UGT1A8: variants seen among roughly 807,000 people sequenced by gnomAD.
The protein encoded by UGT1A8 is UDP glucuronosyltransferase family 1 member A8, also known as UDP-glucuronosyltransferase 1A8.
In UGT1A8, 39 loss-of-function variants were observed where a neutral mutation model predicts 45.3. The observed-to-expected ratio is 0.86, with a 90% CI of 0.67 to 1.12. The LOEUF (loss-of-function observed/expected upper bound fraction) is 1.12. UGT1A8 is among the 50% of genes most tolerant of loss of function. The probability of loss-of-function intolerance (pLI) is 0.00; values close to 1 mark genes in which losing one functional copy is unlikely to be tolerated. For synonymous variants in UGT1A8, 275 were observed against 249.2 expected (o/e 1.10, Z -0.97); for missense variants, 719 against 664.9 (o/e 1.08, Z -0.90).
chr2:233,668,992 G>C (rs950924964), intron 1 of UGT1A8, among the ~76,000 whole-genome samples: 1 of 152,216 alleles, frequency 6.6e-6, no homozygotes, highest in African/African-American at 2.4e-5. Flanking sequence ...TTTGTCTGAT[G>C]TTTTGATTAT....
intron 1 of UGT1A8, chr2:233,671,871 C>T: frequency 6.6e-7 from 1 of 1,520,440 alleles, no homozygotes. Context: ...GCTGGTATTT[C>T]TCCCACCTAC....
Position 233,672,556 on chromosome 2 carries a change from C to T in UGT1A8, c.855+53994C>T, listed in dbSNP as rs111861762. The T allele has an allele frequency of 1.1e-4, 171 of 1,613,914 alleles. No individual in the cohort carries two copies. In the African/African-American group the frequency reaches 1.2e-3, roughly 11 times the overall value. On this transcript the variant is annotated intron_variant, in intron 1 of 4. Coordinates refer to ENST00000373450, the MANE Select transcript of UGT1A8 (RefSeq NM_019076.5). ...TGCCATGACTTTCAAGGAGAGAGTA[C>T]GGAACCACATCATGCACTTGGAGGA...
rs747443609 is a variant in UGT1A8 at position 233,768,266 on chromosome 2, T to C, written c.1122T>C (p.Gly374=). 6.8e-6 allele frequency: 11 copies of C among 1,614,024 alleles called. No individual in the cohort carries two copies. Among genetic ancestry groups the C allele is most frequent in the Non-Finnish European group, 9.3e-6 (11 of 1,180,038 alleles). ...TTATCACCCATGCTGGTTCCCATGG[T>C]GTTTATGAAAGCATATGCAATGGCG... is the stretch of plus-strand genomic sequence containing the variant. The part of the protein sequence containing the change: ...RAFITHAGSH[G]VYESICNGVP... The change falls in exon 4 of 5, where the codon GGT becomes GGC. Residue 374 remains glycine, a synonymous_variant. Coordinates refer to ENST00000373450, the MANE Select transcript of UGT1A8 (RefSeq NM_019076.5).
intron 1 of UGT1A8, among the ~76,000 whole-genome samples, chr2:233,633,251 G>C (rs1050113917): frequency 4.6e-5 from 7 of 152,166 alleles, no homozygotes; most frequent in Admixed American, 3.3e-4. Flanking sequence ...ATGTTCATCA[G>C]AGATATTGGC....
At chr2:233,630,092 T>G (rs1323548821) in intron 1 of UGT1A8, among the ~76,000 whole-genome samples, 2 of 152,142 alleles carry the variant, frequency 1.3e-5, no homozygotes, top group Non-Finnish European at 2.9e-5. Context: ...TCATTAATTT[T>G]CTCAACAAAC....
At chr2:233,653,168 A>C (rs1418452306) in intron 1 of UGT1A8, among the ~76,000 whole-genome samples, 1 of 152,242 alleles carries the variant, frequency 6.6e-6, no homozygotes, top group Non-Finnish European at 1.5e-5. Flanking sequence ...TACAAATGTA[A>C]TTCCAGAAAA....
chr2:233,754,899 C>A, intron 1 of UGT1A8: 2 of 1,352,028 alleles, frequency 1.5e-6, no homozygotes, highest in Non-Finnish European at 2.0e-6. Flanking sequence ...CCTCTGACCC[C>A]CCAAAATATT....
rs188026609 is a variant in UGT1A8 at position 233,667,892 on chromosome 2, T to G, written c.855+49330T>G. On this transcript the variant is annotated intron_variant, in intron 1 of 4. Coordinates refer to ENST00000373450, the MANE Select transcript of UGT1A8 (RefSeq NM_019076.5). The stretch of plus-strand genomic sequence containing the variant: ...AAAAGTCAGGAAACAACAGGTGCTG[T>G]AGAGGATGTGGAGAAATAGGAACAC... Among the ~76,000 whole-genome samples, 178 of 152,244 alleles carry G rather than the reference T, an allele frequency of 1.2e-3. 1 individual carries two copies. The highest frequency in any genetic ancestry group is 4.1e-3 in the African/African-American group (170 of 41,552).
At chr2:233,722,580 G>A (rs764999406) in intron 1 of UGT1A8, among the ~76,000 whole-genome samples, 2 of 152,194 alleles carry the variant, frequency 1.3e-5, no homozygotes, top group African/African-American at 2.4e-5. Context: ...TTGCAACTTC[G>A]TTAGAGGACT....
At chr2:233,657,228 C>A (rs1030310513) in intron 1 of UGT1A8, among the ~76,000 whole-genome samples, 43 of 152,218 alleles carry the variant, frequency 2.8e-4, no homozygotes, top group African/African-American at 9.9e-4. Flanking sequence ...TTATGCCACT[C>A]TTCATGCTCA....
chr2:233,652,003 A>G (rs1417255356), intron 1 of UGT1A8, among the ~76,000 whole-genome samples: 1 of 152,240 alleles, frequency 6.6e-6, no homozygotes, highest in Non-Finnish European at 1.5e-5. Context: ...AGAAAAAAAA[A>G]AGGAATCACT....
At chr2:233,629,901 C>G (rs17864677) in intron 1 of UGT1A8, among the ~76,000 whole-genome samples, 368 of 151,916 alleles carry the variant, frequency 2.4e-3, no homozygotes, top group Non-Finnish European at 4.6e-3. Flanking sequence ...AAGTTGTAGA[C>G]TTTTTTTTGG....
At chr2:233,725,001 G>A (rs1276972399) in intron 1 of UGT1A8, among the ~76,000 whole-genome samples, 4 of 134,004 alleles carry the variant, frequency 3.0e-5, no homozygotes, top group Non-Finnish European at 6.0e-5. Context: ...GCTGGAGACC[G>A]GCCCGGCCAA....
intron 1 of UGT1A8, among the ~76,000 whole-genome samples, chr2:233,688,255 A>G (rs2074884672): frequency 6.6e-6 from 1 of 152,210 alleles, no homozygotes; most frequent in South Asian, 2.1e-4. Context: ...TCATTCCTTT[A>G]CATGGCCGAA....
At chr2:233,725,201 G>GGCAGAGGCAGAA (rs2077389297) in intron 1 of UGT1A8, among the ~76,000 whole-genome samples, 6 of 93,006 alleles carry the variant, frequency 6.5e-5, no homozygotes, top group African/African-American at 5.2e-4. Context: ...CAGAGGCAGA[G>GGCAGAGGCAGAA]GCAGAGGCAG....
chr2:233,740,373 A>C (rs1691376932), intron 1 of UGT1A8, among the ~76,000 whole-genome samples: 2 of 151,912 alleles, frequency 1.3e-5, no homozygotes, highest in Non-Finnish European at 2.9e-5. Context: ...CTAGAAAGGT[A>C]AGTTGTTGTG....
At chr2:233,658,983 G>A (rs1031877194) in intron 1 of UGT1A8, among the ~76,000 whole-genome samples, 1 of 152,120 alleles carries the variant, frequency 6.6e-6, no homozygotes, top group Non-Finnish European at 1.5e-5. Flanking sequence ...ACAAAAAAAA[G>A]CCTGTTGGGA....
rs540500479 is a variant in UGT1A8 at position 233,771,122 on chromosome 2, G to A, written c.1296-1140G>A. On this transcript the variant is annotated intron_variant, in intron 4 of 4. Coordinates refer to ENST00000373450, the MANE Select transcript of UGT1A8 (RefSeq NM_019076.5). ...GACAGCACTAAAGCACAAGGGATCCGACCCCATGATCCAAACACCTCCCAC... is the reference window on the plus strand; with the variant it reads ...GACAGCACTAAAGCACAAGGGATCCAACCCCATGATCCAAACACCTCCCAC... 7.1e-4 allele frequency: 108 copies of A among 152,186 alleles called. 1 individual carries two copies. The highest frequency in any genetic ancestry group is 2.5e-3 in the African/African-American group (104 of 41,518). 9.4% of individuals were successfully genotyped at this position (152,186 alleles called of 1,614,324 possible). A position where few individuals can be genotyped will look rare whatever the true frequency, so the allele number is the denominator to read the frequency against.
intron 1 of UGT1A8, among the ~76,000 whole-genome samples, chr2:233,653,092 A>G (rs1213304563): frequency 1.3e-5 from 2 of 152,238 alleles, no homozygotes; most frequent in Admixed American, 6.5e-5. Flanking sequence ...CTGGGAGGCA[A>G]CCACAGTCCC....
Sources: allele counts gnomAD v4.1 joint callset (sites outside exome capture counted in the v4.1 genomes callset), GRCh38; gene constraint gnomAD v4.1.1; transcripts MANE v1.5; gene names NCBI Gene and HGNC (gene_info 2026-07-23, HGNC 2026-07-21).